The following NIPA1 variants were observed in gnomAD, a reference collection of about 807,000 sequenced individuals.
The protein encoded by NIPA1 is magnesium transporter NIPA1.
Under a neutral mutation model 23.9 loss-of-function variants are expected in NIPA1, and 13 were observed. That is an observed-to-expected ratio of 0.54 (90% confidence interval 0.35 to 0.87). The LOEUF (loss-of-function observed/expected upper bound fraction) is 0.87. NIPA1 is among the 40% of genes least tolerant of loss of function. The probability of loss-of-function intolerance (pLI) is 0.01; values close to 1 mark genes in which losing one functional copy is unlikely to be tolerated. For missense variants in NIPA1, 362 were observed against 429.7 expected (o/e 0.84, Z 1.39); for synonymous variants, 234 against 202.9 (o/e 1.15, Z -1.30).
At chr15:22,791,448 G>C (rs1048816950) in intron 1 of NIPA1, among the ~76,000 whole-genome samples, 3 of 144,382 alleles carry the variant, frequency 2.1e-5, no homozygotes, top group African/African-American at 7.6e-5. Context: ...TTCTACTGAG[G>C]GATTTGAGGC....
chr15:22,826,710 T>G lies in NIPA1; in HGVS notation c.*2471T>G, dbSNP rs958158396. ...TTAGAGTAAAACAAAATCTCAAAAGTATTAATAGCTCTTCTACCCTTGAAG... is the reference window on the plus strand; with the variant it reads ...TTAGAGTAAAACAAAATCTCAAAAGGATTAATAGCTCTTCTACCCTTGAAG... On this transcript the variant is annotated 3_prime_UTR_variant, in exon 5 of 5. Transcript: ENST00000337435. 4 of 152,188 alleles carry G rather than the reference T, an allele frequency of 2.6e-5. No individual in the cohort carries two copies. The highest frequency in any genetic ancestry group is 4.4e-5 in the Non-Finnish European group (3 of 68,038). The allele number at this position is 152,188 out of a possible 1,614,324, so 9.4% of individuals were successfully genotyped here.
intron 1 of NIPA1, among the ~76,000 whole-genome samples, chr15:22,800,153 C>T (rs918497740): frequency 6.6e-6 from 1 of 151,748 alleles, no homozygotes; most frequent in Non-Finnish European, 1.5e-5. Context: ...CCCATGGTCC[C>T]CTGAATTACT....
At chr15:22,809,744 GAAA>G (rs34782532) in intron 1 of NIPA1, among the ~76,000 whole-genome samples, 1 of 136,060 alleles carries the variant, frequency 7.3e-6, no homozygotes. Flanking sequence ...GACTCTGTCT[GAAA>G]AAAAAAAAAA....
chr15:22,800,872 A>G (rs968701049), intron 1 of NIPA1, among the ~76,000 whole-genome samples: 2 of 151,074 alleles, frequency 1.3e-5, no homozygotes, highest in Non-Finnish European at 2.9e-5. Flanking sequence ...TGGAGCTTGC[A>G]GTGAGCTGAG....
intron 1 of NIPA1, among the ~76,000 whole-genome samples, chr15:22,788,932 A>AAAAAAAAAAAAAAAAAAAAAT (rs1894770730): frequency 1.3e-5 from 2 of 151,034 alleles, no homozygotes; most frequent in Non-Finnish European, 3.0e-5. Context: ...AAAAAAAAAA[A>AAAAAAAAAAAAAAAAAAAAAT]AAAAAGATAA....
At position 22,823,760 on chromosome 15, in the gene NIPA1, ATGC is replaced by A. The variant is rs1895592668; in HGVS notation, c.522_524del (p.Leu175del). 6.2e-7 allele frequency: 1 copy of A among 1,612,268 alleles called. No homozygotes were observed. On this transcript the variant is annotated inframe_deletion, in exon 5 of 5. Coordinates refer to ENST00000337435, the MANE Select transcript of NIPA1 (RefSeq NM_144599.5). ...GGGCTACCTGTGCATCGTGCTGCTC[ATGC>A]TGCTGCTGCTCATCTTCTGGATCGC...
chr15:22,814,442 A>C (rs1198916281), intron 3 of NIPA1, among the ~76,000 whole-genome samples: 1 of 151,950 alleles, frequency 6.6e-6, no homozygotes, highest in South Asian at 2.1e-4. Flanking sequence ...TGACCTCGTG[A>C]TCCGCCCGCC....
intron 1 of NIPA1, among the ~76,000 whole-genome samples, chr15:22,806,758 G>A (rs1236156903): frequency 3.3e-5 from 5 of 152,146 alleles, no homozygotes; most frequent in Non-Finnish European, 5.9e-5. Context: ...ACGGGCCAAG[G>A]GCTAATATGG....
intron 1 of NIPA1, among the ~76,000 whole-genome samples, chr15:22,792,869 G>C (rs1355804367): frequency 6.6e-6 from 1 of 152,010 alleles, no homozygotes; most frequent in Non-Finnish European, 1.5e-5. Flanking sequence ...CAGGAGAATT[G>C]CTTGAACCTG....
At chr15:22,798,777 A>G (rs1396891715) in intron 1 of NIPA1, among the ~76,000 whole-genome samples, 5 of 135,108 alleles carry the variant, frequency 3.7e-5, no homozygotes, top group African/African-American at 1.4e-4. Flanking sequence ...CGGAACTTGC[A>G]GTGAGCCGAG....
intron 4 of NIPA1, among the ~76,000 whole-genome samples, chr15:22,820,747 A>G (rs975384616): frequency 5.9e-5 from 9 of 151,960 alleles, no homozygotes; most frequent in African/African-American, 1.9e-4. Context: ...GGCCTTGTGC[A>G]TGGGCGCCTT....
upstream of NIPA1, chr15:22,786,508 C>G (rs1165652901): frequency 1.2e-5 from 2 of 169,850 alleles, no homozygotes; most frequent in African/African-American, 2.4e-5. Flanking sequence ...GCGCCGGTCC[C>G]TGGCACCCCC....
intron 1 of NIPA1, 74 bp downstream of exon 1, chr15:22,786,908 G>A (rs1483981900): frequency 1.3e-6 from 1 of 791,442 alleles, no homozygotes; most frequent in African/African-American, 1.9e-5. Context: ...TCGCAGGTGG[G>A]GGCGCCCGGG....
At chr15:22,820,561 G>T in intron 4 of NIPA1, 88 bp downstream of exon 4, 1 of 961,684 alleles carries the variant, frequency 1.0e-6, no homozygotes, top group Non-Finnish European at 1.7e-6. Context: ...ATGCTTCCTG[G>T]CAGGGCAGAG....
At chr15:22,821,000 C>T (rs539174738) in intron 4 of NIPA1, among the ~76,000 whole-genome samples, 147 of 139,560 alleles carry the variant, frequency 1.1e-3, no homozygotes, top group African/African-American at 3.5e-3. Context: ...TTTTTGGAGA[C>T]GGAGTCTCGC....
chr15:22,829,697 T>C lies in NIPA1; in HGVS notation c.*5458T>C, dbSNP rs904651624. On this transcript the variant is annotated 3_prime_UTR_variant, in exon 5 of 5. Transcript: ENST00000337435. The stretch of plus-strand genomic sequence containing the variant: ...TAGATGTAGTCATAGCATGTTGTTA[T>C]TGCCTCATGTAAATAAAAAGGCTAT... 2.0e-5 allele frequency: 3 copies of C among 152,218 alleles called. No individual in the cohort carries two copies. The highest frequency in any genetic ancestry group is 4.4e-5 in the Non-Finnish European group (3 of 68,036). The allele number at this position is 152,218 out of a possible 1,614,324, so 9.4% of individuals were successfully genotyped here. A position where few individuals can be genotyped will look rare whatever the true frequency, so the allele number is the denominator to read the frequency against.
chr15:22,791,297 A>G (rs967030582), intron 1 of NIPA1, among the ~76,000 whole-genome samples: 1 of 152,086 alleles, frequency 6.6e-6, no homozygotes, highest in Non-Finnish European at 1.5e-5. Context: ...TCTGAAAGTC[A>G]AAAACCGCAT....
At chr15:22,801,548 C>G in intron 1 of NIPA1, among the ~76,000 whole-genome samples, 1 of 133,566 alleles carries the variant, frequency 7.5e-6, no homozygotes, top group Middle Eastern at 5.3e-3. Flanking sequence ...CAGAGTCTTG[C>G]TCTGTCACCC....
rs912988149 is a variant in NIPA1 at position 22,826,527 on chromosome 15, G to C, written c.*2288G>C. 2.0e-5 allele frequency: 3 copies of C among 152,164 alleles called. No homozygotes were observed. Among genetic ancestry groups the C allele is most frequent in the Non-Finnish European group, 4.4e-5 (3 of 68,032 alleles). 9.4% of individuals were successfully genotyped at this position (152,164 alleles called of 1,614,324 possible). A position where few individuals can be genotyped will look rare whatever the true frequency, so the allele number is the denominator to read the frequency against. On this transcript the variant is annotated 3_prime_UTR_variant, in exon 5 of 5. Transcript: ENST00000337435. ...TGTGGCTAACAAGTGTAATGAGAAA[G>C]TTCATGTGTCACATGAAAATGATCA...
Sources: allele counts gnomAD v4.1 joint callset (sites outside exome capture counted in the v4.1 genomes callset), GRCh38; gene constraint gnomAD v4.1.1; transcripts MANE v1.5; gene names NCBI Gene and HGNC (gene_info 2026-07-23, HGNC 2026-07-21).